The following SREK1 variants were observed in gnomAD, a reference collection of about 807,000 sequenced individuals.
SREK1 encodes the protein splicing regulatory glutamine/lysine-rich protein 1.
In SREK1, 13 loss-of-function variants were observed where a neutral mutation model predicts 66.5. The ratio of observed to expected loss-of-function variants is 0.20; its 90% CI spans 0.13 to 0.31. The LOEUF (loss-of-function observed/expected upper bound fraction) is 0.31, where lower values mean the gene tolerates loss of function less well. Ranked by LOEUF, SREK1 falls within the 10% of genes least tolerant of loss-of-function variation. SREK1 has a pLI of 1.00. For synonymous variants in SREK1, 265 were observed against 263.5 expected, an observed-to-expected ratio of 1.01 and a Z score of -0.05; for missense variants, 607 against 769.6, an observed-to-expected ratio of 0.79 and a Z score of 2.50.
chr5:66,178,651 AT>A, intron 11 of SREK1, 67 bp from the exon 12 acceptor site: 1 of 1,415,178 alleles, frequency 7.1e-7, no homozygotes, highest in Non-Finnish European at 9.4e-7. Context: ...AAAGTTTCAC[AT>A]TTTTGTCGTC....
chr5:66,147,025 C>T (rs1233645620), intron 1 of SREK1, among the ~76,000 whole-genome samples: 1 of 151,976 alleles, frequency 6.6e-6, no homozygotes, highest in Non-Finnish European at 1.5e-5. Flanking sequence ...TTGATTCCAA[C>T]CTGAGTAACA....
chr5:66,179,262 T>G lies in SREK1; in HGVS notation c.*394T>G, dbSNP rs1223272829. 1 of 154,822 alleles carries G rather than the reference T, an allele frequency of 6.5e-6. No homozygotes were observed. Among genetic ancestry groups the G allele is most frequent in the Non-Finnish European group, 1.4e-5 (1 of 69,538 alleles). The allele number at this position is 154,822 out of a possible 1,614,324, so 9.6% of individuals were successfully genotyped here. On this transcript the variant is annotated 3_prime_UTR_variant, in exon 12 of 12. Coordinates refer to ENST00000334121, the MANE Select transcript of SREK1 (RefSeq NM_001077199.3). ...ATGCTAGTTACTGAATTTTGTATTG[T>G]TTTACTTTTTTTTTTATTTCAATAT...
Position 66,159,340 on chromosome 5 carries a change from T to A in SREK1, c.411+6T>A, listed in dbSNP as rs1561500967. Reference sequence around the variant, plus strand: ...CCCCAAATCCTTTGACTACTGTAAGTACTATAAGCTGGCTTATGAAAGAGG... The same window carrying A: ...CCCCAAATCCTTTGACTACTGTAAGAACTATAAGCTGGCTTATGAAAGAGG... On this transcript the variant is annotated splice_donor_region_variant and intron_variant, in intron 3 of 11. Transcript: ENST00000334121. 6.3e-7 allele frequency: 1 copy of A among 1,594,896 alleles called. No homozygotes were observed. The highest frequency in any genetic ancestry group is 1.8e-5 in the Admixed American group (1 of 56,080).
At chr5:66,177,451 G>A (rs1342764618) in intron 10 of SREK1, 63 bp from the exon 11 acceptor site, 23 of 1,281,864 alleles carry the variant, frequency 1.8e-5, no homozygotes, top group Non-Finnish European at 2.4e-5. Context: ...AGGATATTTT[G>A]TCAAGAATAT....
At chr5:66,177,699 C>T in intron 11 of SREK1, 41 bp downstream of exon 11, 3 of 1,544,904 alleles carry the variant, frequency 1.9e-6, no homozygotes, top group Non-Finnish European at 8.7e-7. Context: ...TGAAATGGTT[C>T]TTTATTGCAT....
Position 66,170,043 on chromosome 5 carries a change from T to G in SREK1, c.1002-8T>G, listed in dbSNP as rs1378699623. The G allele has an allele frequency of 6.6e-7, 1 of 1,521,764 alleles. No individual in the cohort carries two copies. The highest frequency in any genetic ancestry group is 2.3e-5 in the Admixed American group (1 of 44,384). 94.3% of individuals were successfully genotyped at this position (1,521,764 alleles called of 1,614,324 possible). On this transcript the variant is annotated splice_polypyrimidine_tract_variant and splice_region_variant and intron_variant, in intron 7 of 11. Transcript: ENST00000334121. ...AGTTTTGATATTCTAACAATTTTTT[T>G]TCTTTAGGAGTAGATCCCATAATAG... is the stretch of plus-strand genomic sequence containing the variant.
At chr5:66,164,632 G>A (rs1198566012) in intron 6 of SREK1, 151 bp from the exon 7 acceptor site, 1 of 1,555,448 alleles carries the variant, frequency 6.4e-7, no homozygotes, top group Non-Finnish European at 8.7e-7. Context: ...ACGAGTTTAT[G>A]CAATGACTTT....
At chr5:66,177,236 G>A (rs762528459) in intron 10 of SREK1, 10 of 229,382 alleles carry the variant, frequency 4.4e-5, no homozygotes, top group Admixed American at 5.7e-5. Context: ...TTGAATATTC[G>A]AAAACTATTA....
intron 7 of SREK1, chr5:66,168,342 C>T (rs1310567908): frequency 6.6e-6 from 1 of 151,858 alleles, no homozygotes; most frequent in East Asian, 1.9e-4. Flanking sequence ...CAAAGCATAC[C>T]ACAAAACATG....
intron 3 of SREK1, among the ~76,000 whole-genome samples, chr5:66,160,374 C>A (rs1580643861): frequency 6.6e-6 from 1 of 152,132 alleles, no homozygotes; most frequent in South Asian, 2.1e-4. Context: ...TTTTGAAGTG[C>A]AAAATTTTAG....
rs1328604915 is a variant in SREK1 at position 66,157,487 on chromosome 5, C to T, written c.296-1732C>T. On this transcript the variant is annotated intron_variant, in intron 2 of 11. Transcript: ENST00000334121. ...AAAACCTCAATTTATCAAGAATGTTCAGGTTTTACAAACCTTTTGAGATAA... is the reference window on the plus strand; with the variant it reads ...AAAACCTCAATTTATCAAGAATGTTTAGGTTTTACAAACCTTTTGAGATAA... The T allele has an allele frequency of 9.1e-6, 9 of 985,064 alleles. No individual in the cohort carries two copies. The African/African-American group carries it at 1.6e-4, about 17-fold the overall frequency. The allele number at this position is 985,064 out of a possible 1,614,324, so 61.0% of individuals were successfully genotyped here.
intron 11 of SREK1, among the ~76,000 whole-genome samples, chr5:66,178,399 A>G (rs1022975441): frequency 5.9e-5 from 9 of 152,018 alleles, no homozygotes; most frequent in African/African-American, 1.2e-4. Flanking sequence ...TTAAAAATCT[A>G]TCCTGGCATC....
rs1561523899 is a variant in SREK1 at position 66,180,794 on chromosome 5, C to CT, written c.*1928dup. The CT allele has an allele frequency of 6.6e-6, 1 of 152,280 alleles. No homozygotes were observed. Among genetic ancestry groups the CT allele is most frequent in the African/African-American group, 2.4e-5 (1 of 41,320 alleles). The allele number at this position is 152,280 out of a possible 1,614,324, so 9.4% of individuals were successfully genotyped here. ...GAGTGTGTCTTGCATCAACAGCTGT[C>CT]TTATTTATGATATATAAGTAGAAAT... On this transcript the variant is annotated 3_prime_UTR_variant, in exon 12 of 12. Transcript: ENST00000334121.
At chr5:66,156,752 T>A (rs2111987737) in intron 2 of SREK1, 1 of 985,402 alleles carries the variant, frequency 1.0e-6, no homozygotes, top group East Asian at 1.1e-4. Context: ...ATAACTTATT[T>A]CCTTGACTTA....
chr5:66,173,894 T>C (rs1207762145), intron 9 of SREK1, among the ~76,000 whole-genome samples: 1 of 152,178 alleles, frequency 6.6e-6, no homozygotes, highest in Non-Finnish European at 1.5e-5. Flanking sequence ...AAGTGGGTAA[T>C]GGAGGAGAGA....
intron 2 of SREK1, chr5:66,157,100 G>T (rs1744351363): frequency 2.1e-6 from 2 of 951,590 alleles, no homozygotes; most frequent in Non-Finnish European, 2.5e-6. Context: ...ATTAGAATAA[G>T]TATATAGAGT....
At chr5:66,163,634 A>C (rs1744940564) in intron 5 of SREK1, 158 bp from the exon 6 acceptor site, 1 of 619,166 alleles carries the variant, frequency 1.6e-6, no homozygotes, top group African/African-American at 1.9e-5. Flanking sequence ...ATGAGAGATT[A>C]ATCATGGTTT....
intron 7 of SREK1, chr5:66,168,245 T>TA (rs1450040309): frequency 1.3e-5 from 2 of 152,236 alleles, no homozygotes; most frequent in Non-Finnish European, 2.9e-5. Context: ...ATTAGTATTT[T>TA]AATCAGAATT....
Position 66,162,584 on chromosome 5 carries a change from G to C in SREK1, c.747G>C (p.Arg249Ser). Residue 249 changes from arginine (R) to serine (S), a missense_variant, in exon 5 of 12, where the codon AGG becomes AGC. By Grantham distance (110) the Arg-to-Ser change is moderately radical (BLOSUM62 -1). Coordinates refer to ENST00000334121, the MANE Select transcript of SREK1 (RefSeq NM_001077199.3). ...TTAATGGAGTTATGTTTGGAGACAG[G>C]CCACTGAAGTAAGAAATCCTAAACA... is the stretch of plus-strand genomic sequence containing the variant. ...LAFNGVMFGDRPLKINHSNNA... is the reference protein window; with the variant it reads ...LAFNGVMFGDSPLKINHSNNA... 1 of 1,601,292 alleles carries C rather than the reference G, an allele frequency of 6.2e-7. No individual in the cohort carries two copies. The highest frequency in any genetic ancestry group is 8.5e-7 in the Non-Finnish European group (1 of 1,172,858).
Sources: allele counts gnomAD v4.1 joint callset (sites outside exome capture counted in the v4.1 genomes callset), GRCh38; gene constraint gnomAD v4.1.1; transcripts MANE v1.5; gene names NCBI Gene and HGNC (gene_info 2026-07-23, HGNC 2026-07-21).